The following ELFN1 variants were observed in gnomAD, a reference collection of about 807,000 sequenced individuals.
ELFN1 encodes the protein protein ELFN1.
A neutral mutation model predicts 7.6 loss-of-function variants in ELFN1; 6 were observed. The ratio of observed to expected loss-of-function variants is 0.79; its 90% CI spans 0.43 to 1.56. The LOEUF is 1.56. ELFN1 is among the 40% of genes most tolerant of loss of function. ELFN1 has a pLI of 0.01. For synonymous variants in ELFN1, 657 were observed against 588.1 expected, an observed-to-expected ratio of 1.12 and a Z score of -1.70; for missense variants, 1,169 against 1,232.2, an observed-to-expected ratio of 0.95 and a Z score of 0.77.
chr7:1,746,289 G>A lies in ELFN1; in HGVS notation c.1693G>A (p.Val565Ile). 2 of 1,596,154 alleles carry A rather than the reference G, an allele frequency of 1.3e-6. No individual in the cohort carries two copies. Among genetic ancestry groups the A allele is most frequent in the Non-Finnish European group, 1.7e-6 (2 of 1,172,434 alleles). Residue 565 changes from valine (V) to isoleucine (I), a missense_variant, in exon 4 of 4, where the codon GTC becomes ATC. By Grantham distance (29) the Val-to-Ile change is conservative. This residue lies in a region of ELFN1 where 914 missense variants were observed against 872.6 expected (regional missense o/e 1.05). Transcript: ENST00000424383. Reference protein sequence around the residue: ...ISTIAKEVDKVNQIINNCIDA... With the variant: ...ISTIAKEVDKINQIINNCIDA... ...CACCATCGCCAAGGAGGTGGACAAG[G>A]TCAACCAGATCATCAACAACTGCAT...
At position 1,741,945 on chromosome 7, in the gene ELFN1, C is replaced by T. The variant is rs1179219966; in HGVS notation, c.-293-2359C>T. 5.3e-5 allele frequency among the ~76,000 whole-genome samples: 8 copies of T among 152,222 alleles called. No homozygotes were observed. The Middle Eastern group carries it at 0.01, about 194-fold the overall frequency. ...TGTACACAATCACCTGCCCTGTGTACACACCTGTGCACACACATCTGTACA... is the reference window on the plus strand; with the variant it reads ...TGTACACAATCACCTGCCCTGTGTATACACCTGTGCACACACATCTGTACA... On this transcript the variant is annotated intron_variant, in intron 3 of 3. Coordinates refer to ENST00000424383, the MANE Select transcript of ELFN1 (RefSeq NM_001128636.4).
chr7:1,689,319 C>G (rs1779113892), intron 2 of ELFN1, among the ~76,000 whole-genome samples: 1 of 152,248 alleles, frequency 6.6e-6, no homozygotes, highest in Non-Finnish European at 1.5e-5. Context: ...CAGCATTGCA[C>G]AGGCTTGTAG....
At chr7:1,699,062 T>G (rs1261011623) in intron 2 of ELFN1, among the ~76,000 whole-genome samples, 1 of 152,242 alleles carries the variant, frequency 6.6e-6, no homozygotes, top group East Asian at 1.9e-4. Flanking sequence ...TCTGTCTGGG[T>G]GCTTCTGCAC....
intron 3 of ELFN1, among the ~76,000 whole-genome samples, chr7:1,711,578 GA>G (rs1469400115): frequency 1.5e-4 from 1 of 6,478 alleles, no homozygotes; most frequent in Admixed American, 1.6e-3. Context: ...GAGAGAGTGA[GA>G]GAGAGAGAGA....
chr7:1,707,946 C>T (rs376194503), intron 2 of ELFN1, among the ~76,000 whole-genome samples: 14 of 152,304 alleles, frequency 9.2e-5, no homozygotes, highest in African/African-American at 3.1e-4. Flanking sequence ...CTCCTGGCCC[C>T]CACTAGGGCC....
intron 2 of ELFN1, among the ~76,000 whole-genome samples, chr7:1,708,423 T>C: frequency 6.6e-6 from 1 of 152,200 alleles, no homozygotes; most frequent in South Asian, 2.1e-4. Context: ...GGTCTGTCAC[T>C]CAGCAGACCA....
Position 1,725,279 on chromosome 7 carries a change from G to A in ELFN1, c.-294+16027G>A, listed in dbSNP as rs182047100. Among the ~76,000 whole-genome samples, 242 of 152,322 alleles carry A rather than the reference G, an allele frequency of 1.6e-3. 1 individual carries two copies. Among genetic ancestry groups the A allele is most frequent in the African/African-American group, 5.6e-3 (233 of 41,582 alleles). ...GATGATTCCCAGAGGGAGGCTGCCC[G>A]GCCAGAATCCCGCCCACAGCTGGTG... On this transcript the variant is annotated intron_variant, in intron 3 of 3. Transcript: ENST00000424383.
rs189686999 is a variant in ELFN1, at chr7:1,730,390, C to T, written c.-293-13914C>T. On this transcript the variant is annotated intron_variant, in intron 3 of 3. Coordinates refer to ENST00000424383, the MANE Select transcript of ELFN1 (RefSeq NM_001128636.4). The stretch of plus-strand genomic sequence containing the variant: ...AGCCAAGACCCTGCAGGAAATGAAA[C>T]CCCACCCTGATCTCACCCGTGAATA... 1.3e-3 allele frequency among the ~76,000 whole-genome samples: 193 copies of T among 152,274 alleles called. 1 individual carries two copies. The highest frequency in any genetic ancestry group is 4.4e-3 in the African/African-American group (183 of 41,546).
chr7:1,689,737 G>A (rs1779121712), intron 2 of ELFN1, among the ~76,000 whole-genome samples: 1 of 152,182 alleles, frequency 6.6e-6, no homozygotes, highest in Admixed American at 6.5e-5. Context: ...GCAATCACGT[G>A]CCCATTACAG....
In ELFN1 at chr7:1,672,731, C is replaced by T. The variant is rs554984623; in HGVS notation, c.-549+2377C>T. 1.7e-4 allele frequency among the ~76,000 whole-genome samples: 26 copies of T among 152,040 alleles called. 1 individual carries two copies. Among genetic ancestry groups the T allele is most frequent in the African/African-American group, 6.3e-4 (26 of 41,454 alleles). On this transcript the variant is annotated intron_variant, in intron 1 of 3. Transcript: ENST00000424383. ...CAGAGCCCCCACCCCAGGATCCCTT[C>T]CCCCCCGACAAGCCAATTCCCCATT...
Position 1,735,175 on chromosome 7 carries a change from G to A in ELFN1, c.-293-9129G>A, listed in dbSNP as rs114819954. Among the ~76,000 whole-genome samples, 1 of 152,146 alleles carries A rather than the reference G, an allele frequency of 6.6e-6. No homozygotes were observed. The highest frequency in any genetic ancestry group is 1.5e-5 in the Non-Finnish European group (1 of 68,028). On this transcript the variant is annotated intron_variant, in intron 3 of 3. Coordinates refer to ENST00000424383, the MANE Select transcript of ELFN1 (RefSeq NM_001128636.4). This position sits in a 1 kb window ranked among gnomAD's most constrained non-coding sequence, Gnocchi z 5.9. ...ACCCTGGGGAGGGGCTTTGCATGCGGGAGGTGCTGCACACCGGCGGACCGT... is the reference window on the plus strand; with the variant it reads ...ACCCTGGGGAGGGGCTTTGCATGCGAGAGGTGCTGCACACCGGCGGACCGT...
chr7:1,703,558 G>A (rs1247627939), intron 2 of ELFN1, among the ~76,000 whole-genome samples: 2 of 152,150 alleles, frequency 1.3e-5, no homozygotes, highest in African/African-American at 4.8e-5. Flanking sequence ...GGGCTGTGGG[G>A]TGTGAAGTGA....
chr7:1,706,019 T>C (rs1288332748), intron 2 of ELFN1, among the ~76,000 whole-genome samples: 1 of 152,180 alleles, frequency 6.6e-6, no homozygotes, highest in Non-Finnish European at 1.5e-5. Context: ...CAGGGGCTTG[T>C]CCAGGTCACG....
intron 3 of ELFN1, among the ~76,000 whole-genome samples, chr7:1,741,495 G>C (rs1161671998): frequency 3.3e-5 from 5 of 152,206 alleles, no homozygotes. Flanking sequence ...GCTCAGAGCT[G>C]GGTGGGGAGG....
upstream of ELFN1, among the ~76,000 whole-genome samples, chr7:1,670,067 C>T (rs1459777951): frequency 6.6e-6 from 1 of 151,182 alleles, no homozygotes; most frequent in Admixed American, 6.6e-5. The surrounding 1 kb of genome is among the most constrained non-coding windows in gnomAD (Gnocchi z 6.4). Flanking sequence ...AAGGGGAGGG[C>T]CAGAGGCTCC....
At chr7:1,706,094 G>A (rs562049155) in intron 2 of ELFN1, among the ~76,000 whole-genome samples, 1 of 152,284 alleles carries the variant, frequency 6.6e-6, no homozygotes, top group Admixed American at 6.5e-5. Flanking sequence ...GATCCACCGC[G>A]GACCACATAC....
intron 2 of ELFN1, among the ~76,000 whole-genome samples, chr7:1,703,326 C>G (rs896625935): frequency 9.2e-5 from 14 of 152,208 alleles, no homozygotes; most frequent in African/African-American, 3.4e-4. Flanking sequence ...CTTTCCCTCT[C>G]TGCTATACAG....
intron 3 of ELFN1, among the ~76,000 whole-genome samples, chr7:1,710,629 G>A (rs7780342): frequency 0.19 from 28,445 of 152,148 alleles, 3,543 homozygotes; most frequent in African/African-American, 0.36. Flanking sequence ...GGGGCCACAT[G>A]GTGATTCAGA....
rs150339134 is a variant in ELFN1, at chr7:1,745,535, C to T, written c.939C>T (p.Ala313=). ...LVALPTLATQ[A]EARPLIKVKQ... is the part of the protein sequence containing the mutation. ...CCCTGCCCACGCTGGCCACGCAGGC[C>T]GAGGCCCGCCCCCTCATCAAGGTCA... Residue 313 remains alanine (A), a synonymous_variant, in exon 4 of 4, where the codon GCC becomes GCT. Transcript: ENST00000424383. 48 of 1,547,884 alleles carry T rather than the reference C, an allele frequency of 3.1e-5. No homozygotes were observed. Among genetic ancestry groups the T allele is most frequent in the African/African-American group, 1.2e-4 (9 of 73,178 alleles).
Sources: allele counts gnomAD v4.1 joint callset (sites outside exome capture counted in the v4.1 genomes callset), GRCh38; gene constraint gnomAD v4.1.1; regional missense constraint gnomAD v4.1.1; non-coding constraint Gnocchi (gnomAD v3.1); transcripts MANE v1.5; gene names NCBI Gene and HGNC (gene_info 2026-07-23, HGNC 2026-07-21).